POTEB3: variants seen among roughly 807,000 people sequenced by gnomAD.
The protein encoded by POTEB3 is POTE ankyrin domain family member B3, also known as ANKRD26-like family B member 1.
POTEB3 carries 5 observed loss-of-function variants against 39.8 expected under a neutral mutation model. That is an observed-to-expected ratio of 0.13 (90% CI 0.07 to 0.26). The LOEUF is 0.26. Among genes scored for constraint, POTEB3 ranks in the 10% least tolerant of loss-of-function variants. POTEB3 has a pLI of 1.00. For synonymous variants in POTEB3, 5 were observed against 161.5 expected (o/e 0.03, Z 7.35); for missense variants, 24 against 475.6 (o/e 0.05, Z 8.83).
Position 21,431,778 on chromosome 15 carries a change from TTG to T in POTEB3, c.876_877del (p.Lys293GlufsTer4), listed in dbSNP as rs1898982791. 6.3e-7 allele frequency: 1 copy of T among 1,579,930 alleles called. No individual in the cohort carries two copies. Among genetic ancestry groups the T allele is most frequent in the African/African-American group, 1.4e-5 (1 of 72,798 alleles). The stretch of plus-strand genomic sequence containing the variant: ...AAGTGCATTTAAATTAGCTTTTTTC[TTG>T]ATTAAAAATTTCACCACTTGCTGTT... On this transcript the variant is annotated frameshift_variant, in exon 4 of 11. Coordinates refer to ENST00000611217, the MANE Select transcript of POTEB3 (RefSeq NM_207355.5). LOFTEE classifies it high-confidence loss of function.
chr15:21,410,353 A>G (rs186121729), intron 10 of POTEB3, among the ~76,000 whole-genome samples: 6,961 of 89,446 alleles, frequency 0.078, 909 homozygotes, highest in African/African-American at 0.093. Flanking sequence ...AGCTCTTTGC[A>G]TTGAAATGAG....
At chr15:21,422,603 A>G (rs1898550372) in intron 6 of POTEB3, among the ~76,000 whole-genome samples, 1 of 136,388 alleles carries the variant, frequency 7.3e-6, no homozygotes, top group African/African-American at 2.7e-5. Context: ...GGCCCAGGAA[A>G]GGTCATGGTG....
At chr15:21,419,433 G>A (rs1171880491) in intron 9 of POTEB3, 31 bp downstream of exon 9, 1 of 719,764 alleles carries the variant, frequency 1.4e-6, no homozygotes, top group Middle Eastern at 5.0e-4. Context: ...GGATTAGTTT[G>A]ACAGCATATA....
At chr15:21,433,429 G>A (rs1899055869) in intron 3 of POTEB3, among the ~76,000 whole-genome samples, 1 of 149,684 alleles carries the variant, frequency 6.7e-6, no homozygotes, top group South Asian at 2.1e-4. Flanking sequence ...GGCTTTATTA[G>A]ACTTACTCTA....
intron 3 of POTEB3, among the ~76,000 whole-genome samples, chr15:21,434,359 T>G (rs1393541050): frequency 7.9e-6 from 1 of 126,968 alleles, no homozygotes; most frequent in Non-Finnish European, 1.7e-5. Flanking sequence ...ATTTTACATT[T>G]GTTAGGGAAA....
chr15:21,422,284 TTTTA>T lies in POTEB3; in HGVS notation c.1127-98_1127-95del. On this transcript the variant is annotated intron_variant, in intron 6 of 10. Coordinates refer to ENST00000611217, the MANE Select transcript of POTEB3 (RefSeq NM_207355.5). ...AAAATAGATTGAAGACAACATTTTA[TTTTA>T]TTTCATAAACTGAGTGTTTAGTCTT... 2.0e-6 allele frequency: 3 copies of T among 1,467,560 alleles called. No individual in the cohort carries two copies. In the South Asian group the frequency reaches 3.8e-5, roughly 19 times the overall value. The allele number at this position is 1,467,560 out of a possible 1,614,324, so 90.9% of individuals were successfully genotyped here.
At chr15:21,409,354 A>G (rs1465183564) in intron 10 of POTEB3, among the ~76,000 whole-genome samples, 159 bp from the exon 11 acceptor site, 1 of 93,448 alleles carries the variant, frequency 1.1e-5, no homozygotes, top group Non-Finnish European at 2.0e-5. Flanking sequence ...AATCTAAAAG[A>G]GTGTAAATTC....
rs1224431848 is a variant in POTEB3, at chr15:21,426,273, A to C, written c.1126+1412T>G. 6 of 426,792 alleles carry C rather than the reference A, an allele frequency of 1.4e-5. 1 individual carries two copies. Among genetic ancestry groups the C allele is most frequent in the African/African-American group, 6.3e-5 (3 of 47,900 alleles). 26.4% of individuals were successfully genotyped at this position (426,792 alleles called of 1,614,324 possible). ...CCTAGAAAAATTCTTCTCACTCTGC[A>C]TGCTTACTTTGAATCATACCTACTT... On this transcript the variant is annotated intron_variant, in intron 6 of 10. Transcript: ENST00000611217.
At chr15:21,434,062 C>CAA (rs1185818225) in intron 3 of POTEB3, among the ~76,000 whole-genome samples, 2 of 98,848 alleles carry the variant, frequency 2.0e-5, no homozygotes, top group African/African-American at 5.7e-5. Context: ...CACACACACA[C>CAA]ACAAACAAAA....
rs1359376809 is a variant in POTEB3 at position 21,423,291 on chromosome 15, G to C, written c.1127-1101C>G. 5.3e-5 allele frequency among the ~76,000 whole-genome samples: 5 copies of C among 94,034 alleles called. No individual in the cohort carries two copies. In the Admixed American group the frequency reaches 5.4e-4, roughly 10 times the overall value. 61.7% of individuals were successfully genotyped at this position (94,034 alleles called of 152,430 possible). A position where few individuals can be genotyped will look rare whatever the true frequency, so the allele number is the denominator to read the frequency against. ...AATTTTTGTATTTTTAGTAGAGATG[G>C]GGTTTCACCATTGGCCAGGATGGTC... On this transcript the variant is annotated intron_variant, in intron 6 of 10. Transcript: ENST00000611217.
intron 9 of POTEB3, among the ~76,000 whole-genome samples, chr15:21,414,381 A>G (rs1898374891): frequency 8.2e-6 from 1 of 121,458 alleles, no homozygotes; most frequent in Non-Finnish European, 1.7e-5. Context: ...CCAAAATTTT[A>G]AAATGAAGTC....
chr15:21,427,137 CA>C (rs1171339016), intron 6 of POTEB3, among the ~76,000 whole-genome samples: 1 of 151,700 alleles, frequency 6.6e-6, no homozygotes, highest in African/African-American at 2.4e-5. Context: ...CAGGGGTCCA[CA>C]ACTCCCAGGT....
At chr15:21,419,931 A>T (rs1207396662) in intron 8 of POTEB3, among the ~76,000 whole-genome samples, 1 of 124,418 alleles carries the variant, frequency 8.0e-6, no homozygotes, top group Non-Finnish European at 1.7e-5. Context: ...ATTCCCAAAA[A>T]CTCTTCAGAA....
At chr15:21,434,383 G>C (rs1899107640) in intron 3 of POTEB3, among the ~76,000 whole-genome samples, 1 of 120,798 alleles carries the variant, frequency 8.3e-6, no homozygotes, top group Non-Finnish European at 1.7e-5. Flanking sequence ...AAACTTGGCA[G>C]GGAAAAATTG....
In POTEB3 at chr15:21,417,079, C is replaced by T. The variant is rs1261334206; in HGVS notation, c.1409+2385G>A. 5.4e-5 allele frequency among the ~76,000 whole-genome samples: 4 copies of T among 73,784 alleles called. 2 individuals are homozygous for T. In the African/African-American group the frequency reaches 6.1e-4, roughly 11 times the overall value. The allele number at this position is 73,784 out of a possible 152,430, so 48.4% of individuals were successfully genotyped here. On this transcript the variant is annotated intron_variant, in intron 9 of 10. Coordinates refer to ENST00000611217, the MANE Select transcript of POTEB3 (RefSeq NM_207355.5). ...TGGACTAGAAAGGCAGGAGGAAAAGCCTGAGGGAGTGAGGTCCTGAAAGCC... is the reference window on the plus strand; with the variant it reads ...TGGACTAGAAAGGCAGGAGGAAAAGTCTGAGGGAGTGAGGTCCTGAAAGCC...
Position 21,422,960 on chromosome 15 carries a change from G to C in POTEB3, c.1127-770C>G, listed in dbSNP as rs1247328512. On this transcript the variant is annotated intron_variant, in intron 6 of 10. Transcript: ENST00000611217. ...AAAATCCTCTTGTTTGACCCACTGG[G>C]TCTCTCCTGCCTCCTGTTTTCTGCA... Among the ~76,000 whole-genome samples the C allele has an allele frequency of 7.5e-5, 11 of 145,784 alleles. 1 individual carries two copies. Among genetic ancestry groups the C allele is most frequent in the Non-Finnish European group, 1.7e-4 (11 of 65,816 alleles).
Position 21,410,957 on chromosome 15 carries a change from T to C in POTEB3, c.1454A>G (p.Asn485Ser). The C allele has an allele frequency of 9.3e-7, 1 of 1,080,566 alleles. No individual in the cohort carries two copies. Among genetic ancestry groups the C allele is most frequent in the Admixed American group, 2.4e-5 (1 of 42,058 alleles). The allele number at this position is 1,080,566 out of a possible 1,614,324, so 66.9% of individuals were successfully genotyped here. A position where few individuals can be genotyped will look rare whatever the true frequency, so the allele number is the denominator to read the frequency against. ...DTQKQLSEEQ[N>S]TGISQDEILT... is the part of the protein sequence containing the mutation. Reference sequence around the variant, plus strand: ...AATCTCATCTTGTGATATTCCAGTGTTCTGTTCTTCAGAAAGTTGTTTCTG... The same window carrying C: ...AATCTCATCTTGTGATATTCCAGTGCTCTGTTCTTCAGAAAGTTGTTTCTG... Residue 485 changes from asparagine to serine, a missense_variant, in exon 10 of 11, where the codon AAC becomes AGC. Asn to Ser is a conservative substitution (Grantham distance 46, BLOSUM62 1). Coordinates refer to ENST00000611217, the MANE Select transcript of POTEB3 (RefSeq NM_207355.5).
In POTEB3 at chr15:21,408,074, G is replaced by A; in HGVS notation, c.*909C>T. Among the ~76,000 whole-genome samples, 1 of 82,124 alleles carries A rather than the reference G, an allele frequency of 1.2e-5. No individual in the cohort carries two copies. The highest frequency in any genetic ancestry group is 3.0e-4 in the East Asian group (1 of 3,368). 53.9% of individuals were successfully genotyped at this position (82,124 alleles called of 152,430 possible). On this transcript the variant is annotated 3_prime_UTR_variant, in exon 11 of 11. Transcript: ENST00000611217. ...GGGTCTGTGCTGTGGGCCCAAGCCA[G>A]GGTTCCTTGTCTGTTGATGAGCAGT...
At chr15:21,410,158 G>T in intron 10 of POTEB3, among the ~76,000 whole-genome samples, 1 of 85,578 alleles carries the variant, frequency 1.2e-5, no homozygotes, top group Non-Finnish European at 2.1e-5. Flanking sequence ...TAACTTACAA[G>T]GCTTTTCTTA....
Sources: gnomAD v4.1 joint callset for allele counts (sites outside exome capture counted in the v4.1 genomes callset) on GRCh38, gnomAD v4.1.1 for gene constraint, MANE v1.5 for transcripts, NCBI Gene and HGNC (gene_info 2026-07-23, HGNC 2026-07-21) for gene names.